The following NHSL1 variants were observed in gnomAD, a reference collection of about 807,000 sequenced individuals.
NHSL1 encodes NHS-like protein 1.
NHSL1 carries 48 observed loss-of-function variants against 95.0 expected under a neutral mutation model. The observed-to-expected ratio is 0.51, with a 90% CI of 0.40 to 0.64. The LOEUF (loss-of-function observed/expected upper bound fraction) is 0.64, where lower values mean the gene tolerates loss of function less well. Ranked by LOEUF, NHSL1 falls within the 30% of genes least tolerant of loss-of-function variation. NHSL1 has a pLI of 0.00. For synonymous variants in NHSL1, 783 were observed against 833.9 expected (o/e 0.94, Z 1.05); for missense variants, 1,971 against 2,077.7 (o/e 0.95, Z 1.00).
intron 1 of NHSL1, among the ~76,000 whole-genome samples, chr6:138,655,983 C>CA (rs1785151249): frequency 6.6e-6 from 1 of 152,152 alleles, no homozygotes; most frequent in Non-Finnish European, 1.5e-5. Context: ...TTACCTCCCC[C>CA]AAAAAACCTC....
intron 1 of NHSL1, among the ~76,000 whole-genome samples, chr6:138,638,659 C>T (rs1018257285): frequency 2.0e-4 from 31 of 152,280 alleles, no homozygotes; most frequent in African/African-American, 7.5e-4. Flanking sequence ...GATTATTCAA[C>T]TGACCTGAGA....
chr6:138,425,993 T>C (rs181480303), intron 7 of NHSL1, among the ~76,000 whole-genome samples: 18 of 152,334 alleles, frequency 1.2e-4, no homozygotes, highest in Admixed American at 3.9e-4. Context: ...AGGTATTTCT[T>C]GTCCTGAGTC....
chr6:138,660,731 G>A (rs1785216224), intron 1 of NHSL1, among the ~76,000 whole-genome samples: 1 of 151,780 alleles, frequency 6.6e-6, no homozygotes, highest in Non-Finnish European at 1.5e-5. Context: ...CCAGGCAGGT[G>A]GATCACTTGA....
upstream of NHSL1, among the ~76,000 whole-genome samples, chr6:138,502,043 C>A (rs1396780537): frequency 2.6e-5 from 4 of 152,090 alleles, no homozygotes; most frequent in East Asian, 1.9e-4. Context: ...GGAGAGCCAA[C>A]TGTACTTGGT....
chr6:138,571,303 G>C (rs1458486050), intron 1 of NHSL1, among the ~76,000 whole-genome samples: 1 of 152,154 alleles, frequency 6.6e-6, no homozygotes, highest in Non-Finnish European at 1.5e-5. Flanking sequence ...AGAAGACTAT[G>C]TACGATTCCC....
chr6:138,635,025 A>G (rs1463048770), intron 1 of NHSL1, among the ~76,000 whole-genome samples: 1 of 152,000 alleles, frequency 6.6e-6, no homozygotes, highest in African/African-American at 2.4e-5. Context: ...CCTATGGGAT[A>G]CAACAAAAGC....
Position 138,424,529 on chromosome 6 carries a change from G to A in NHSL1, c.4373C>T (p.Pro1458Leu), listed in dbSNP as rs1468511758. Residue 1458 changes from proline (P) to leucine (L), a missense_variant, in exon 8 of 8, where the codon CCA (proline) becomes CTA (leucine). By Grantham distance (98) the Pro-to-Leu change is moderately conservative (BLOSUM62 -3). Coordinates refer to ENST00000343505, the MANE Select transcript of NHSL1 (RefSeq NM_001144060.2). The surrounding 1 kb of genome is among the most constrained non-coding windows in gnomAD (Gnocchi z 5.9). Reference protein sequence around the residue: ...RFQRSRSEPSPDAPESPSSCS... With the variant: ...RFQRSRSEPSLDAPESPSSCS... ...GCTTGACGGGCTCTCGGGGGCATCT[G>A]GGGAAGGCTCTGACCTCGACCTCTG... The A allele has an allele frequency of 7.1e-6, 11 of 1,551,546 alleles. No individual in the cohort carries two copies. The highest frequency in any genetic ancestry group is 2.6e-6 in the Non-Finnish European group (3 of 1,146,998).
At chr6:138,483,602 T>G (rs1268599905) in intron 2 of NHSL1, among the ~76,000 whole-genome samples, 1 of 152,224 alleles carries the variant, frequency 6.6e-6, no homozygotes, top group Non-Finnish European at 1.5e-5. Context: ...ATCTCTCACC[T>G]GATGGTGACC....
chr6:138,599,715 G>A (rs1480084687), intron 1 of NHSL1, among the ~76,000 whole-genome samples: 4 of 152,118 alleles, frequency 2.6e-5, no homozygotes, highest in Admixed American at 2.6e-4. Context: ...AGATCTCAAG[G>A]CAAGATCTCA....
chr6:138,629,635 G>C (rs546970856), intron 1 of NHSL1, among the ~76,000 whole-genome samples: 1 of 152,252 alleles, frequency 6.6e-6, no homozygotes, highest in Admixed American at 6.5e-5. Context: ...CACCCACCTT[G>C]GCCTCCCAAA....
intron 1 of NHSL1, among the ~76,000 whole-genome samples, chr6:138,675,122 T>C (rs905165424): frequency 6.6e-6 from 1 of 151,766 alleles, no homozygotes; most frequent in Non-Finnish European, 1.5e-5. Context: ...AACACTCAGA[T>C]AGAAATGTTC....
At chr6:138,524,695 T>C (rs1344225446) in intron 1 of NHSL1, among the ~76,000 whole-genome samples, 2 of 152,148 alleles carry the variant, frequency 1.3e-5, no homozygotes. Flanking sequence ...ATGGTGGGTA[T>C]AATCCCAGAA....
intron 1 of NHSL1, among the ~76,000 whole-genome samples, chr6:138,522,907 C>A (rs182865925): frequency 6.6e-6 from 1 of 152,208 alleles, no homozygotes; most frequent in Non-Finnish European, 1.5e-5. Context: ...CATAACAAAA[C>A]AAGATTTAAC....
intron 1 of NHSL1, among the ~76,000 whole-genome samples, chr6:138,592,113 C>T (rs969480177): frequency 3.3e-5 from 5 of 152,106 alleles, no homozygotes; most frequent in African/African-American, 1.2e-4. Flanking sequence ...TTAATTATCA[C>T]CCTCAAGAAA....
chr6:138,626,120 G>T (rs1356051157), intron 1 of NHSL1, among the ~76,000 whole-genome samples: 3 of 152,308 alleles, frequency 2.0e-5, no homozygotes, highest in South Asian at 4.1e-4. Context: ...TGGACAGCTT[G>T]GTTTTAATTG....
chr6:138,508,144 G>A (rs1237519409), intron 1 of NHSL1, among the ~76,000 whole-genome samples: 1 of 152,104 alleles, frequency 6.6e-6, no homozygotes, highest in Non-Finnish European at 1.5e-5. Flanking sequence ...TTGAACAAAC[G>A]AAAGGCGAGG....
chr6:138,548,263 C>G (rs1314946163), upstream of NHSL1, among the ~76,000 whole-genome samples: 1 of 152,166 alleles, frequency 6.6e-6, no homozygotes, highest in Admixed American at 6.6e-5. Flanking sequence ...GGATTACAGG[C>G]GTGAGCCACT....
At chr6:138,539,963 T>A (rs1390460648) in intron 1 of NHSL1, among the ~76,000 whole-genome samples, 1 of 152,168 alleles carries the variant, frequency 6.6e-6, no homozygotes, top group Non-Finnish European at 1.5e-5. Flanking sequence ...CTAAAAAGCA[T>A]GATAACGTTT....
At chr6:138,616,366 C>T (rs1784577937) in intron 1 of NHSL1, among the ~76,000 whole-genome samples, 1 of 152,066 alleles carries the variant, frequency 6.6e-6, no homozygotes, top group Non-Finnish European at 1.5e-5. Flanking sequence ...CAATGAACAA[C>T]AGTTAATTCA....
Sources: allele counts gnomAD v4.1 joint callset (sites outside exome capture counted in the v4.1 genomes callset), GRCh38; gene constraint gnomAD v4.1.1; non-coding constraint Gnocchi (gnomAD v3.1); transcripts MANE v1.5; gene names NCBI Gene and HGNC (gene_info 2026-07-23, HGNC 2026-07-21).